NRXN1: variants seen among roughly 807,000 people sequenced by gnomAD.
The protein encoded by NRXN1 is neurexin-1.
NRXN1 carries 39 observed loss-of-function variants against 150.9 expected under a neutral mutation model. The ratio of observed to expected loss-of-function variants is 0.26; its 90% CI spans 0.20 to 0.34. The LOEUF is 0.34. NRXN1 is among the 10% of genes least tolerant of loss of function. The pLI, the probability that NRXN1 is intolerant of heterozygous loss-of-function variation, is 1.00. For synonymous variants in NRXN1, 924 were observed against 757.0 expected, an observed-to-expected ratio of 1.22 and a Z score of -3.62; for missense variants, 1,815 against 1,949.9, an observed-to-expected ratio of 0.93 and a Z score of 1.30.
intron 5 of NRXN1, among the ~76,000 whole-genome samples, chr2:50,720,306 C>T (rs1696470613): frequency 6.6e-6 from 1 of 152,046 alleles, no homozygotes; most frequent in Non-Finnish European, 1.5e-5. Flanking sequence ...CCAGTTACAA[C>T]ATGTCTCTTT....
chr2:50,327,685 T>C (rs964044486), intron 17 of NRXN1, among the ~76,000 whole-genome samples: 3 of 151,536 alleles, frequency 2.0e-5, no homozygotes, highest in Admixed American at 1.3e-4. Context: ...AGTCTCGCTC[T>C]TTCACCCGGG....
chr2:50,725,371 T>C (rs2105156267), intron 5 of NRXN1, among the ~76,000 whole-genome samples: 1 of 151,916 alleles, frequency 6.6e-6, no homozygotes, highest in African/African-American at 2.4e-5. Flanking sequence ...AAAACTCTAA[T>C]TGCAATCAAC....
intron 5 of NRXN1, among the ~76,000 whole-genome samples, chr2:50,708,520 G>A (rs1437540002): frequency 1.3e-5 from 2 of 152,092 alleles, no homozygotes; most frequent in East Asian, 3.9e-4. Flanking sequence ...TAAAGTACCT[G>A]GTAAAAGGCA....
chr2:50,590,422 G>C (rs1452032676), intron 8 of NRXN1, among the ~76,000 whole-genome samples: 3 of 152,176 alleles, frequency 2.0e-5, no homozygotes, highest in East Asian at 3.9e-4. Flanking sequence ...AGACTATTCT[G>C]TTAGTATGCA....
intron 5 of NRXN1, among the ~76,000 whole-genome samples, chr2:50,633,226 T>C (rs571438272): frequency 2.8e-4 from 42 of 152,212 alleles, no homozygotes; most frequent in African/African-American, 9.4e-4. Context: ...CCACTTACTA[T>C]AGTCAAGTGA....
chr2:50,803,539 A>C (rs545526657), intron 5 of NRXN1, among the ~76,000 whole-genome samples: 12 of 152,322 alleles, frequency 7.9e-5, no homozygotes, highest in Non-Finnish European at 1.5e-5. Flanking sequence ...GTGCAATAAC[A>C]CATTGTTCAA....
intron 5 of NRXN1, among the ~76,000 whole-genome samples, chr2:50,650,475 A>C (rs1350006348): frequency 6.6e-6 from 1 of 152,054 alleles, no homozygotes; most frequent in African/African-American, 2.4e-5. Flanking sequence ...CCAAACAATT[A>C]ATGCGACAGC....
At chr2:50,373,168 C>G (rs2080151673) in intron 17 of NRXN1, among the ~76,000 whole-genome samples, 1 of 151,920 alleles carries the variant, frequency 6.6e-6, no homozygotes, top group Non-Finnish European at 1.5e-5. Context: ...TGAGAGCCTC[C>G]TCTGCCTGGT....
At chr2:50,926,356 TAAG>T (rs920184873) in intron 2 of NRXN1, among the ~76,000 whole-genome samples, 1 of 151,964 alleles carries the variant, frequency 6.6e-6, no homozygotes, top group African/African-American at 2.4e-5. Context: ...CCTTAGATTT[TAAG>T]AAGTCTATTG....
intron 5 of NRXN1, among the ~76,000 whole-genome samples, chr2:50,785,649 A>T (rs1194196045): frequency 1.3e-5 from 2 of 152,126 alleles, no homozygotes; most frequent in African/African-American, 4.8e-5. Context: ...AACCCTAAAA[A>T]ACACATAAAG....
At chr2:50,391,596 T>C (rs1050021797) in intron 17 of NRXN1, among the ~76,000 whole-genome samples, 3 of 152,274 alleles carry the variant, frequency 2.0e-5, no homozygotes, top group Non-Finnish European at 4.4e-5. Context: ...CAATGTTGGT[T>C]TTTGTCACAA....
At chr2:50,393,080 C>T (rs1558654697) in intron 17 of NRXN1, among the ~76,000 whole-genome samples, 1 of 151,834 alleles carries the variant, frequency 6.6e-6, no homozygotes. Context: ...TTCAAATCAA[C>T]AGGTGCCATC....
intron 17 of NRXN1, among the ~76,000 whole-genome samples, chr2:50,412,800 T>C (rs1352505683): frequency 6.6e-6 from 1 of 152,160 alleles, no homozygotes; most frequent in African/African-American, 2.4e-5. Context: ...AATGATCTTA[T>C]TTTCAACAAA....
chr2:50,204,947 T>C (rs1009173054), intron 18 of NRXN1, among the ~76,000 whole-genome samples: 1 of 152,070 alleles, frequency 6.6e-6, no homozygotes, highest in Non-Finnish European at 1.5e-5. Flanking sequence ...TAGACACTTA[T>C]GCTTGTTAAA....
At chr2:50,850,810 A>G (rs1674410485) in intron 5 of NRXN1, among the ~76,000 whole-genome samples, 1 of 152,132 alleles carries the variant, frequency 6.6e-6, no homozygotes, top group Non-Finnish European at 1.5e-5. Flanking sequence ...AAATAGACCA[A>G]AATATGCTCA....
At chr2:50,473,533 C>T (rs1349250068) in intron 15 of NRXN1, among the ~76,000 whole-genome samples, 1 of 151,952 alleles carries the variant, frequency 6.6e-6, no homozygotes, top group African/African-American at 2.4e-5. Flanking sequence ...TGCTATAGCT[C>T]CAGTCTACAA....
chr2:50,426,276 T>G (rs1183831867), intron 17 of NRXN1, among the ~76,000 whole-genome samples: 9 of 152,202 alleles, frequency 5.9e-5, no homozygotes, highest in Admixed American at 5.9e-4. Flanking sequence ...TTAGTTGCTG[T>G]AACTGTAAGA....
intron 5 of NRXN1, among the ~76,000 whole-genome samples, chr2:50,840,447 C>T (rs373924762): frequency 7.2e-5 from 11 of 152,046 alleles, no homozygotes; most frequent in African/African-American, 1.9e-4. Flanking sequence ...ACCGCTGAGA[C>T]GAACATCTTT....
chr2:50,251,972 A>G (rs756576102), intron 17 of NRXN1, among the ~76,000 whole-genome samples: 6 of 151,976 alleles, frequency 3.9e-5, no homozygotes, highest in Non-Finnish European at 7.4e-5. Context: ...GTTTTCTCCT[A>G]TTCTGCAGGT....
Sources: allele counts gnomAD v4.1 joint callset (sites outside exome capture counted in the v4.1 genomes callset), GRCh38; gene constraint gnomAD v4.1.1; transcripts MANE v1.5; gene names NCBI Gene and HGNC (gene_info 2026-07-23, HGNC 2026-07-21).